The following COQ8A variants were observed in gnomAD, a reference collection of about 807,000 sequenced individuals.
COQ8A encodes the protein atypical kinase COQ8A, mitochondrial.
In COQ8A, 51 loss-of-function variants were observed where a neutral mutation model predicts 65.0. That is an observed-to-expected ratio of 0.78 (90% CI 0.63 to 0.99). The LOEUF is 0.99. COQ8A is among the 50% of genes least tolerant of loss of function. COQ8A has a pLI of 0.00. For missense variants in COQ8A, 940 were observed against 875.0 expected (o/e 1.07, Z -0.94); for synonymous variants, 371 against 353.2 (o/e 1.05, Z -0.57).
At chr1:226,957,185 G>C (rs1657839765) in intron 1 of COQ8A, among the ~76,000 whole-genome samples, 1 of 133,572 alleles carries the variant, frequency 7.5e-6, no homozygotes, top group Non-Finnish European at 1.6e-5. Flanking sequence ...TGCTCTCCCT[G>C]ACTCCCGCTC....
Position 226,965,174 on chromosome 1 carries a change from G to T in COQ8A, c.352G>T (p.Ala118Ser). 1 of 1,613,796 alleles carries T rather than the reference G, an allele frequency of 6.2e-7. No individual in the cohort carries two copies. Among genetic ancestry groups the T allele is most frequent in the East Asian group, 2.2e-5 (1 of 44,872 alleles). The change falls in exon 3 of 15, where the codon GCC (alanine) becomes TCC (serine). Residue 118 changes from alanine (A) to serine (S), a missense_variant. Transcript: ENST00000366777. ...GHAHSEGPAPAYVASGPFREA... is the reference protein window; with the variant it reads ...GHAHSEGPAPSYVASGPFREA... ...TGCCCACAGCGAGGGCCCAGCTCCT[G>T]CCTACGTGGCCAGTGGACCCTTTAG...
At chr1:226,963,391 T>G (rs997539579) in intron 2 of COQ8A, among the ~76,000 whole-genome samples, 5 of 152,218 alleles carry the variant, frequency 3.3e-5, no homozygotes, top group African/African-American at 1.2e-4. Flanking sequence ...TCCACATTCA[T>G]TCAGCAGATA....
In COQ8A at chr1:226,965,796, G is replaced by T. The variant is rs953561889; in HGVS notation, c.655+59G>T. On this transcript the variant is annotated intron_variant, in intron 4 of 14. Transcript: ENST00000366777. ...CTGCCCTGCCTGGGCACCACGCTGC[G>T]GCCTGCATGGAGGTGGGGACCCAGC... The T allele has an allele frequency of 1.2e-5, 19 of 1,562,946 alleles. No homozygotes were observed. The Middle Eastern group carries it at 5.8e-4, about 47-fold the overall frequency.
At chr1:226,940,512 A>C (rs1656623720) in intron 1 of COQ8A, 113 bp downstream of exon 1, 1 of 152,336 alleles carries the variant, frequency 6.6e-6, no homozygotes, top group African/African-American at 2.4e-5. Context: ...GTGACAGCGC[A>C]GCTTCCCCGC....
intron 1 of COQ8A, among the ~76,000 whole-genome samples, chr1:226,952,509 G>A (rs1456865799): frequency 6.6e-6 from 1 of 151,988 alleles, no homozygotes; most frequent in Non-Finnish European, 1.5e-5. Context: ...TCAAATCCCT[G>A]GGCTCAAGCG....
rs766412130 is a variant in COQ8A at position 226,985,348 on chromosome 1, G to A, written c.1659+8G>A. 3 of 1,613,256 alleles carry A rather than the reference G, an allele frequency of 1.9e-6. No individual in the cohort carries two copies. Among genetic ancestry groups the A allele is most frequent in the African/African-American group, 2.7e-5 (2 of 75,064 alleles). Reference sequence around the variant, plus strand: ...ACCGGCTACGAGGTCAAGGTGAGCAGGGTTGCGGGGGATCCCCTGGGCCTG... The same window carrying A: ...ACCGGCTACGAGGTCAAGGTGAGCAAGGTTGCGGGGGATCCCCTGGGCCTG... On this transcript the variant is annotated splice_region_variant and intron_variant, in intron 14 of 14. Coordinates refer to ENST00000366777, the MANE Select transcript of COQ8A (RefSeq NM_020247.5).
In COQ8A at chr1:226,984,554, T is replaced by A; in HGVS notation, c.1405T>A (p.Tyr469Asn). Residue 469 changes from tyrosine (Y) to asparagine (N), a missense_variant, in exon 12 of 15, where the codon TAC (tyrosine) becomes AAC (asparagine). By Grantham distance (143) the Tyr-to-Asn change is moderately radical. Transcript: ENST00000366777. ...LSQEIRNEIC[Y>N]NILVLCLREL... is the part of the protein sequence containing the mutation. ...CCCTTCGCGCTGTCCACAGATCTGC[T>A]ACAACATCCTGGTTCTGTGCCTGAG... 6.2e-7 allele frequency: 1 copy of A among 1,613,600 alleles called. No individual in the cohort carries two copies. The highest frequency in any genetic ancestry group is 1.1e-5 in the South Asian group (1 of 91,082).
intron 1 of COQ8A, among the ~76,000 whole-genome samples, chr1:226,952,779 G>C (rs1476812138): frequency 6.6e-6 from 1 of 151,998 alleles, no homozygotes; most frequent in Non-Finnish European, 1.5e-5. Context: ...GAATATTTTA[G>C]AAAATATAGA....
chr1:226,958,238 TAA>T (rs1175041971), intron 1 of COQ8A: 1 of 151,878 alleles, frequency 6.6e-6, no homozygotes, highest in Non-Finnish European at 1.5e-5. Context: ...CCCAAATAAA[TAA>T]AAAAGACTAT....
intron 4 of COQ8A, among the ~76,000 whole-genome samples, chr1:226,969,528 G>A (rs913842577): frequency 4.6e-5 from 7 of 152,138 alleles, no homozygotes; most frequent in Admixed American, 2.0e-4. Flanking sequence ...GAGCCACCGC[G>A]CCCGGCCAGA....
At chr1:226,950,936 C>T (rs995205822) in intron 1 of COQ8A, among the ~76,000 whole-genome samples, 1 of 152,184 alleles carries the variant, frequency 6.6e-6, no homozygotes, top group East Asian at 1.9e-4. Flanking sequence ...CAAGTTGAGC[C>T]CTGGAAACTC....
rs1390045601 is a variant in COQ8A, at chr1:226,946,164, C to T, written c.-10+5765C>T. Among the ~76,000 whole-genome samples the T allele has an allele frequency of 6.6e-6, 1 of 152,174 alleles. No homozygotes were observed. Among genetic ancestry groups the T allele is most frequent in the East Asian group, 1.9e-4 (1 of 5,190 alleles). ...AGAACTGGGAAAGAGAGGGCCCCTC[C>T]CTCCGGAGCTTACCTTGCAGTAAGG... On this transcript the variant is annotated intron_variant, in intron 1 of 14. Transcript: ENST00000366777. This position sits in a 1 kb window ranked among gnomAD's most constrained non-coding sequence, Gnocchi z 5.3.
At chr1:226,973,333 G>A (rs907892274) in intron 4 of COQ8A, among the ~76,000 whole-genome samples, 1 of 152,238 alleles carries the variant, frequency 6.6e-6, no homozygotes, top group Non-Finnish European at 1.5e-5. Flanking sequence ...CAGGAGCTCT[G>A]TGTTGGAGAT....
In COQ8A at chr1:226,986,794, A is replaced by G; in HGVS notation, c.*57A>G. On this transcript the variant is annotated 3_prime_UTR_variant, in exon 15 of 15. Transcript: ENST00000366777. ...GGAACTCTCTCCCTCAGACAGGCCA[A>G]AAACCAGTAGCGAGGTCGTGGTGAT... The G allele has an allele frequency of 6.3e-7, 1 of 1,583,978 alleles. No individual in the cohort carries two copies. Among genetic ancestry groups the G allele is most frequent in the Middle Eastern group, 1.7e-4 (1 of 5,730 alleles).
chr1:226,962,957 C>T (rs1423855224), intron 2 of COQ8A, among the ~76,000 whole-genome samples: 1 of 152,240 alleles, frequency 6.6e-6, no homozygotes, highest in Admixed American at 6.5e-5. Flanking sequence ...CTTGCCCTCC[C>T]CTTGCCTGAT....
At chr1:226,950,887 G>C (rs189004401) in intron 1 of COQ8A, among the ~76,000 whole-genome samples, 104 of 152,302 alleles carry the variant, frequency 6.8e-4, no homozygotes, top group African/African-American at 2.4e-3. Flanking sequence ...TAGTCTGGGA[G>C]CAACTTTCAA....
chr1:226,960,504 T>TGG (rs1658168513), intron 1 of COQ8A, among the ~76,000 whole-genome samples: 1 of 112,876 alleles, frequency 8.9e-6, no homozygotes, highest in Non-Finnish European at 1.8e-5. Flanking sequence ...GTGGTGGTGC[T>TGG]TGGTGGTGGT....
At chr1:226,980,909 G>T (rs1659644971) in intron 5 of COQ8A, among the ~76,000 whole-genome samples, 1 of 152,266 alleles carries the variant, frequency 6.6e-6, no homozygotes, top group Admixed American at 6.5e-5. Flanking sequence ...GCAGAGGGCA[G>T]TGGCACGGTC....
At chr1:226,970,442 T>C (rs1010829894) in intron 4 of COQ8A, among the ~76,000 whole-genome samples, 1 of 152,228 alleles carries the variant, frequency 6.6e-6, no homozygotes, top group African/African-American at 2.4e-5. Flanking sequence ...CTGAATACAG[T>C]AGATAACTGT....
Sources: gnomAD v4.1 joint callset for allele counts (sites outside exome capture counted in the v4.1 genomes callset) on GRCh38, gnomAD v4.1.1 for gene constraint, Gnocchi (gnomAD v3.1) non-coding constraint, MANE v1.5 for transcripts, NCBI Gene and HGNC (gene_info 2026-07-23, HGNC 2026-07-21) for gene names.